The following CNTN6 variants were observed in gnomAD, a reference collection of about 807,000 sequenced individuals.
The protein encoded by CNTN6 is contactin 6, also known as contactin-6.
In CNTN6, 137 loss-of-function variants were observed where a neutral mutation model predicts 122.8. That is an observed-to-expected ratio of 1.12 (90% CI 0.97 to 1.29). The LOEUF is 1.29. Among genes scored for constraint, CNTN6 ranks in the 50% most tolerant of loss-of-function variants. The pLI is 0.00. For synonymous variants in CNTN6, 570 were observed against 426.0 expected (o/e 1.34, Z -4.16); for missense variants, 1,634 against 1,223.4 (o/e 1.34, Z -5.01).
At chr3:1,390,347 G>GTTCT (rs1429325244) in intron 20 of CNTN6, among the ~76,000 whole-genome samples, 1 of 151,838 alleles carries the variant, frequency 6.6e-6, no homozygotes, top group East Asian at 1.9e-4. Flanking sequence ...AAATAAAGAT[G>GTTCT]TTCTTTGAAA....
rs76602443 is a variant in CNTN6 at position 1,367,686 on chromosome 3, G to A, written c.1493-4613G>A. Reference sequence around the variant, plus strand: ...CTTAAAGACCCAGCAGTCGGCATGCGTGCACAGCAGTTGGTGTGGTGTGCA... The same window carrying A: ...CTTAAAGACCCAGCAGTCGGCATGCATGCACAGCAGTTGGTGTGGTGTGCA... On this transcript the variant is annotated intron_variant, in intron 12 of 22. Coordinates refer to ENST00000446702, the MANE Select transcript of CNTN6 (RefSeq NM_001289080.2). Among the ~76,000 whole-genome samples, 462 of 152,212 alleles carry A rather than the reference G, an allele frequency of 3.0e-3. 3 individuals are homozygous for A. Among genetic ancestry groups the A allele is most frequent in the African/African-American group, 0.01 (427 of 41,556 alleles).
chr3:1,103,022 C>T (rs568562439), intron 1 of CNTN6, among the ~76,000 whole-genome samples: 18 of 151,412 alleles, frequency 1.2e-4, no homozygotes, highest in South Asian at 6.2e-4. Context: ...AGGAGAATGG[C>T]GGGAACCCGG....
intron 1 of CNTN6, among the ~76,000 whole-genome samples, chr3:1,122,735 TATA>T (rs951690401): frequency 4.0e-5 from 6 of 151,876 alleles, no homozygotes; most frequent in African/African-American, 1.4e-4. Flanking sequence ...TTTCACTTAG[TATA>T]ATATTTTCAA....
At chr3:1,266,714 C>T (rs2094931363) in intron 4 of CNTN6, among the ~76,000 whole-genome samples, 1 of 152,122 alleles carries the variant, frequency 6.6e-6, no homozygotes, top group African/African-American at 2.4e-5. Context: ...TTCCAAGTGA[C>T]CTCGGGCCTC....
rs1412208229 is a variant in CNTN6, at chr3:1,402,502, A to T, written c.2986+16A>T. On this transcript the variant is annotated intron_variant, in intron 22 of 22. Coordinates refer to ENST00000446702, the MANE Select transcript of CNTN6 (RefSeq NM_001289080.2). Reference sequence around the variant, plus strand: ...AAAATGTCAAGTAAGTTGAGTCACCATTGCTGTAGTAGATTCTGAACCTAG... The same window carrying T: ...AAAATGTCAAGTAAGTTGAGTCACCTTTGCTGTAGTAGATTCTGAACCTAG... 6 of 1,597,992 alleles carry T rather than the reference A, an allele frequency of 3.8e-6. No individual in the cohort carries two copies. The highest frequency in any genetic ancestry group is 5.1e-6 in the Non-Finnish European group (6 of 1,168,604).
chr3:1,145,515 C>T (rs1462161195), intron 1 of CNTN6, among the ~76,000 whole-genome samples: 2 of 151,984 alleles, frequency 1.3e-5, no homozygotes, highest in South Asian at 2.1e-4. Context: ...AATGAATATC[C>T]GTTAAATAAG....
Position 1,385,669 on chromosome 3 carries a change from G to T in CNTN6, c.2576G>T (p.Gly859Val). The T allele has an allele frequency of 6.2e-7, 1 of 1,614,024 alleles. No individual in the cohort carries two copies. Among genetic ancestry groups the T allele is most frequent in the East Asian group, 2.2e-5 (1 of 44,868 alleles). ...ESMIGKIRVSGNVTTKNITGL... is the reference protein window; with the variant it reads ...ESMIGKIRVSVNVTTKNITGL... ...ATGATAGGTAAAATTAGAGTCAGTG[G>T]AAATGTCACAACCAAAAACATCACG... Residue 859 changes from glycine to valine, a missense_variant, in exon 20 of 23, where the codon GGA becomes GTA. Physicochemically the swap from Gly to Val is moderately radical, Grantham distance 109. Transcript: ENST00000446702.
At chr3:1,200,261 T>G (rs2093843596) in intron 2 of CNTN6, among the ~76,000 whole-genome samples, 1 of 152,194 alleles carries the variant, frequency 6.6e-6, no homozygotes, top group Admixed American at 6.5e-5. Flanking sequence ...CTCGAACTCC[T>G]TGCCTCAAGA....
intron 2 of CNTN6, among the ~76,000 whole-genome samples, chr3:1,182,019 C>CT (rs950163154): frequency 2.6e-5 from 4 of 151,974 alleles, no homozygotes; most frequent in South Asian, 2.1e-4. Context: ...AGAAACTGTG[C>CT]TTTTTTTTCT....
chr3:1,160,344 G>GTATGTATATATATATATATATATATATA (rs1158623079), intron 2 of CNTN6, among the ~76,000 whole-genome samples: 3 of 111,116 alleles, frequency 2.7e-5, no homozygotes, highest in East Asian at 2.9e-4. Context: ...TACTTTTACT[G>GTATGTATATATATATATATATATATATA]TATATATATA....
chr3:1,101,151 AATTTGGGCCCTACAACCAAGC>A (rs1476200892), intron 1 of CNTN6, among the ~76,000 whole-genome samples: 1 of 152,078 alleles, frequency 6.6e-6, no homozygotes, highest in East Asian at 1.9e-4. Context: ...AGACAGAATG[AATTTGGGCCCTACAACCAAGC>A]ATAGTACACA....
chr3:1,284,712 A>G lies in CNTN6; in HGVS notation c.454+6204A>G, dbSNP rs115799595. ...AAAATAAAAGGAGATAGGAAATAGT[A>G]GATGTTGCTATTGTATATTCTAAGG... is the stretch of plus-strand genomic sequence containing the variant. On this transcript the variant is annotated intron_variant, in intron 5 of 22. Transcript: ENST00000446702. Among the ~76,000 whole-genome samples the G allele has an allele frequency of 8.6e-3, 1,309 of 152,336 alleles. 14 individuals are homozygous for G. Among genetic ancestry groups the G allele is most frequent in the Non-Finnish European group, 0.013 (890 of 68,038 alleles).
intron 20 of CNTN6, among the ~76,000 whole-genome samples, chr3:1,393,646 A>T (rs2126234843): frequency 6.6e-6 from 1 of 151,862 alleles, no homozygotes; most frequent in East Asian, 1.9e-4. Context: ...TAAGAAACAA[A>T]CATTAAAAAA....
intron 5 of CNTN6, among the ~76,000 whole-genome samples, chr3:1,282,659 C>T (rs1028583439): frequency 6.6e-6 from 1 of 152,168 alleles, no homozygotes; most frequent in African/African-American, 2.4e-5. Context: ...GAGAGGACTG[C>T]AATGCACATC....
At chr3:1,283,883 C>T (rs1347285398) in intron 5 of CNTN6, among the ~76,000 whole-genome samples, 1 of 152,142 alleles carries the variant, frequency 6.6e-6, no homozygotes, top group East Asian at 1.9e-4. Context: ...GCCTGTAATC[C>T]CAGCTACTCT....
intron 11 of CNTN6, among the ~76,000 whole-genome samples, chr3:1,351,848 T>C (rs1705690811): frequency 6.6e-6 from 1 of 151,926 alleles, no homozygotes; most frequent in Non-Finnish European, 1.5e-5. Flanking sequence ...GCAAATACTG[T>C]CGTGGTTCAA....
At chr3:1,257,732 T>A (rs1194609661) in intron 4 of CNTN6, among the ~76,000 whole-genome samples, 2 of 152,146 alleles carry the variant, frequency 1.3e-5, no homozygotes, top group South Asian at 2.1e-4. Flanking sequence ...GGTAGAACAC[T>A]AGCTGGTGAG....
At chr3:1,338,296 A>C (rs773856107) in intron 11 of CNTN6, among the ~76,000 whole-genome samples, 2 of 152,120 alleles carry the variant, frequency 1.3e-5, no homozygotes, top group Non-Finnish European at 2.9e-5. Context: ...GTCAGTTTCA[A>C]ATTTGATCAT....
chr3:1,253,898 C>A (rs2094710941), intron 4 of CNTN6, among the ~76,000 whole-genome samples: 1 of 152,062 alleles, frequency 6.6e-6, no homozygotes, highest in Non-Finnish European at 1.5e-5. Flanking sequence ...TCTCTTTATC[C>A]AAAACAACCA....
Sources: gnomAD v4.1 joint callset for allele counts (sites outside exome capture counted in the v4.1 genomes callset) on GRCh38, gnomAD v4.1.1 for gene constraint, MANE v1.5 for transcripts, NCBI Gene and HGNC (gene_info 2026-07-23, HGNC 2026-07-21) for gene names.